The following DGKB variants were observed in gnomAD, a reference collection of about 807,000 sequenced individuals.
The protein encoded by DGKB is diacylglycerol kinase beta, also known as 90 kDa diacylglycerol kinase.
A neutral mutation model predicts 114.3 loss-of-function variants in DGKB; 67 were observed. The observed-to-expected ratio is 0.59, with a 90% CI of 0.48 to 0.72. The LOEUF is 0.72. Among genes scored for constraint, DGKB ranks in the 30% least tolerant of loss-of-function variants. The probability of loss-of-function intolerance (pLI) is 0.00; values close to 1 mark genes in which losing one functional copy is unlikely to be tolerated. For synonymous variants in DGKB, 398 were observed against 323.1 expected (o/e 1.23, Z -2.49); for missense variants, 907 against 975.2 (o/e 0.93, Z 0.93).
intron 21 of DGKB, among the ~76,000 whole-genome samples, chr7:14,465,880 T>C (rs1471884413): frequency 6.6e-6 from 1 of 152,152 alleles, no homozygotes; most frequent in Admixed American, 6.5e-5. Flanking sequence ...ACATGTGATA[T>C]ATGTAGTGTG....
At chr7:14,914,473 A>G (rs1562872135) in intron 1 of DGKB, among the ~76,000 whole-genome samples, 1 of 152,168 alleles carries the variant, frequency 6.6e-6, no homozygotes. Context: ...GAGAAACTAA[A>G]TCCTTTAGCA....
At chr7:14,852,534 G>T (rs975729612) in intron 1 of DGKB, among the ~76,000 whole-genome samples, 10 of 126,758 alleles carry the variant, frequency 7.9e-5, no homozygotes, top group African/African-American at 1.5e-4. Flanking sequence ...AAAGAAAAAG[G>T]TTCTAAGCCC....
chr7:14,969,763 C>T (rs1269394088), intron 1 of DGKB, among the ~76,000 whole-genome samples: 1 of 152,124 alleles, frequency 6.6e-6, no homozygotes, highest in Non-Finnish European at 1.5e-5. Flanking sequence ...GTCTACTACA[C>T]GACTAAGCTA....
rs544091455 is a variant in DGKB at position 14,955,140 on chromosome 7, T to C, written c.-188+19556A>G. ...ACACTATAAAAAAATTGCTGAGAAA[T>C]AGAATAAAATTAGGAGATAAATGTG... On this transcript the variant is annotated intron_variant, in intron 1 of 4. Transcript: ENST00000437998. Among the ~76,000 whole-genome samples the C allele has an allele frequency of 1.7e-4, 26 of 152,054 alleles. No individual in the cohort carries two copies. The East Asian group carries it at 4.7e-3, about 27-fold the overall frequency.
At chr7:14,640,010 G>A (rs1811449589) in intron 13 of DGKB, among the ~76,000 whole-genome samples, 1 of 152,204 alleles carries the variant, frequency 6.6e-6, no homozygotes, top group Non-Finnish European at 1.5e-5. Flanking sequence ...GTTATGTGAA[G>A]AGCCAGACAA....
At chr7:14,271,829 G>T (rs182990479) in intron 23 of DGKB, among the ~76,000 whole-genome samples, 1 of 152,134 alleles carries the variant, frequency 6.6e-6, no homozygotes, top group African/African-American at 2.4e-5. Flanking sequence ...GGGGGCGAGG[G>T]TACAGGCAAA....
intron 1 of DGKB, among the ~76,000 whole-genome samples, chr7:14,843,406 C>T (rs555804557): frequency 0.016 from 2,269 of 141,272 alleles, 19 homozygotes; most frequent in Admixed American, 0.026. Context: ...GCAATCTCGG[C>T]TCACTGCAAG....
chr7:14,166,209 T>C (rs1784586651), intron 25 of DGKB, among the ~76,000 whole-genome samples: 1 of 152,304 alleles, frequency 6.6e-6, no homozygotes, highest in East Asian at 1.9e-4. Context: ...CCTATAGAAA[T>C]ACCTAAAACC....
chr7:14,372,645 T>G (rs573895325), intron 21 of DGKB, among the ~76,000 whole-genome samples: 1 of 152,212 alleles, frequency 6.6e-6, no homozygotes, highest in South Asian at 2.1e-4. Context: ...AGATGATGAT[T>G]TCTTAAAGTG....
At chr7:14,862,093 CT>C (rs1007474465) in intron 1 of DGKB, among the ~76,000 whole-genome samples, 1 of 151,874 alleles carries the variant, frequency 6.6e-6, no homozygotes, top group Non-Finnish European at 1.5e-5. Flanking sequence ...TAAATTTTTG[CT>C]TCCTTAACTA....
chr7:14,593,383 G>A (rs1219720779), intron 17 of DGKB, among the ~76,000 whole-genome samples: 1 of 151,838 alleles, frequency 6.6e-6, no homozygotes, highest in African/African-American at 2.4e-5. Context: ...GTAAATGACA[G>A]GTTCTATGAT....
At chr7:14,244,991 G>A (rs1469806709) in intron 23 of DGKB, among the ~76,000 whole-genome samples, 1 of 152,078 alleles carries the variant, frequency 6.6e-6, no homozygotes, top group Admixed American at 6.6e-5. Flanking sequence ...CTTACCCCAT[G>A]GCTCTCATTA....
chr7:14,174,365 A>G (rs1022741926), intron 25 of DGKB, among the ~76,000 whole-genome samples: 2 of 152,180 alleles, frequency 1.3e-5, no homozygotes, highest in African/African-American at 4.8e-5. Flanking sequence ...AATTAAATGC[A>G]TCAACATGGG....
chr7:14,515,186 CAAAT>C, intron 20 of DGKB, among the ~76,000 whole-genome samples: 1 of 152,070 alleles, frequency 6.6e-6, no homozygotes, highest in Non-Finnish European at 1.5e-5. Flanking sequence ...ATATCAAAAT[CAAAT>C]AAAAATAAAA....
intron 21 of DGKB, among the ~76,000 whole-genome samples, chr7:14,376,481 A>G (rs138319869): frequency 6.6e-6 from 1 of 152,178 alleles, no homozygotes; most frequent in Non-Finnish European, 1.5e-5. Flanking sequence ...ATGCCCCCAA[A>G]ATTAACAAAG....
chr7:14,602,720 C>T (rs759884119), intron 17 of DGKB, among the ~76,000 whole-genome samples: 3 of 152,140 alleles, frequency 2.0e-5, no homozygotes, highest in Non-Finnish European at 4.4e-5. Flanking sequence ...GCTTCTAGAA[C>T]TGTGAGAAAT....
chr7:14,457,930 C>CT (rs1430687584), intron 21 of DGKB, among the ~76,000 whole-genome samples: 1 of 152,208 alleles, frequency 6.6e-6, no homozygotes, highest in Non-Finnish European at 1.5e-5. Context: ...AAAACAATGA[C>CT]TTTGCCAGTA....
At chr7:14,898,852 T>C (rs936052181) in intron 1 of DGKB, among the ~76,000 whole-genome samples, 2 of 152,152 alleles carry the variant, frequency 1.3e-5, no homozygotes, top group East Asian at 1.9e-4. Flanking sequence ...CTTGAATCTA[T>C]AGTGATCGGC....
In DGKB at chr7:14,538,572, A is replaced by G. The variant is rs73287764; in HGVS notation, c.1770+35640T>C. Among the ~76,000 whole-genome samples the G allele has an allele frequency of 1.9e-3, 296 of 152,290 alleles. 1 individual carries two copies. The highest frequency in any genetic ancestry group is 6.4e-3 in the African/African-American group (267 of 41,566). ...GTTGCAGCCACTATGATAAAATAGT[A>G]TAGAGATTCCTCAAAAAAAAAATTG... On this transcript the variant is annotated intron_variant, in intron 20 of 25. Transcript: ENST00000402815.
Sources: gnomAD v4.1 joint callset for allele counts (sites outside exome capture counted in the v4.1 genomes callset) on GRCh38, gnomAD v4.1.1 for gene constraint, MANE v1.5 for transcripts, NCBI Gene and HGNC (gene_info 2026-07-23, HGNC 2026-07-21) for gene names.